KIRREL3: variants seen among roughly 807,000 people sequenced by gnomAD.
The protein encoded by KIRREL3 is kin of IRRE-like protein 3.
KIRREL3 carries 36 observed loss-of-function variants against 89.7 expected under a neutral mutation model. The ratio of observed to expected loss-of-function variants is 0.40; its 90% confidence interval spans 0.31 to 0.53. The LOEUF (loss-of-function observed/expected upper bound fraction) is 0.53. Among genes scored for constraint, KIRREL3 ranks in the 20% least tolerant of loss-of-function variants. The probability of loss-of-function intolerance (pLI) is 0.49; values close to 1 mark genes in which losing one functional copy is unlikely to be tolerated. For missense variants in KIRREL3, 864 were observed against 1,056.6 expected, an observed-to-expected ratio of 0.82 and a Z score of 2.53; for synonymous variants, 445 against 441.4, an observed-to-expected ratio of 1.01 and a Z score of -0.10.
Position 126,832,766 on chromosome 11 carries a change from A to G in KIRREL3, c.55+167689T>C, listed in dbSNP as rs534034452. 3.9e-5 allele frequency among the ~76,000 whole-genome samples: 6 copies of G among 152,266 alleles called. No individual in the cohort carries two copies. The South Asian group carries it at 6.2e-4, about 16-fold the overall frequency. Reference sequence around the variant, plus strand: ...GTGTGGCTCAGGAGGCAGCAACTGGAGAAATAGAAAACCTACTCCTTTTTG... The same window carrying G: ...GTGTGGCTCAGGAGGCAGCAACTGGGGAAATAGAAAACCTACTCCTTTTTG... On this transcript the variant is annotated intron_variant, in intron 1 of 16. Transcript: ENST00000525144.
Position 126,729,673 on chromosome 11 carries a change from TC to T in KIRREL3, c.56-166762del, listed in dbSNP as rs1038566070. Among the ~76,000 whole-genome samples, 2 of 150,234 alleles carry T rather than the reference TC, an allele frequency of 1.3e-5. No individual in the cohort carries two copies. The highest frequency in any genetic ancestry group is 6.6e-5 in the Admixed American group (1 of 15,176). On this transcript the variant is annotated intron_variant, in intron 1 of 16. Transcript: ENST00000525144. The surrounding 1 kb of genome is among the most constrained non-coding windows in gnomAD (Gnocchi z 4.5). ...CAGGTGGGTGTGAACCTGGGGACCC[TC>T]CGTAGATACTCATGGGGCCCCGGGC...
intron 1 of KIRREL3, among the ~76,000 whole-genome samples, chr11:126,828,517 G>T (rs1943493121): frequency 6.6e-6 from 1 of 152,190 alleles, no homozygotes; most frequent in Non-Finnish European, 1.5e-5. Flanking sequence ...TGTCTAATGT[G>T]ATTGGTAAAC....
rs1034364329 is a variant in KIRREL3, at chr11:126,631,330, G to A, written c.56-68418C>T. 9.8e-5 allele frequency among the ~76,000 whole-genome samples: 15 copies of A among 152,306 alleles called. No homozygotes were observed. In the East Asian group the frequency reaches 1.5e-3, roughly 16 times the overall value. Reference sequence around the variant, plus strand: ...CGGCTTGATGAGGGCCACACAGCTGGCAAATGTCGGAGCCAGAGTTTGAAG... The same window carrying A: ...CGGCTTGATGAGGGCCACACAGCTGACAAATGTCGGAGCCAGAGTTTGAAG... On this transcript the variant is annotated intron_variant, in intron 1 of 16. Transcript: ENST00000525144.
rs1337691317 is a variant in KIRREL3, at chr11:126,650,886, T to C, written c.56-87974A>G. The stretch of plus-strand genomic sequence containing the variant: ...GAAGAAAAAGAGGTTTAACTGGACT[T>C]ACAGTTCCACATGGCTGGGAAGATC... On this transcript the variant is annotated intron_variant, in intron 1 of 16. Coordinates refer to ENST00000525144, the MANE Select transcript of KIRREL3 (RefSeq NM_032531.4). Among the ~76,000 whole-genome samples, 4 of 152,214 alleles carry C rather than the reference T, an allele frequency of 2.6e-5. No individual in the cohort carries two copies. The East Asian group carries it at 7.7e-4, about 29-fold the overall frequency.
At chr11:126,956,469 C>A (rs572368742) in intron 1 of KIRREL3, among the ~76,000 whole-genome samples, 1 of 152,236 alleles carries the variant, frequency 6.6e-6, no homozygotes, top group Middle Eastern at 3.4e-3. Flanking sequence ...GGGGGAAACT[C>A]CAAATGAGGG....
rs377448040 is a variant in KIRREL3 at position 126,806,278 on chromosome 11, G to A, written c.55+194177C>T. On this transcript the variant is annotated intron_variant, in intron 1 of 16. Coordinates refer to ENST00000525144, the MANE Select transcript of KIRREL3 (RefSeq NM_032531.4). ...ACAACAATATGACTACTAATAGTGA[G>A]GCTAATAAAAAGGACATATTGCCTT... 1.2e-3 allele frequency among the ~76,000 whole-genome samples: 182 copies of A among 152,268 alleles called. 3 individuals are homozygous for A. The South Asian group carries it at 0.036, about 30-fold the overall frequency.
rs1958308838 is a variant in KIRREL3 at position 126,513,816 on chromosome 11, C to T, written c.433+7499G>A. On this transcript the variant is annotated intron_variant, in intron 4 of 16. Transcript: ENST00000525144. The surrounding 1 kb of genome is among the most constrained non-coding windows in gnomAD (Gnocchi z 5.9). Reference sequence around the variant, plus strand: ...CAAGACCTCCAGGGAGACCTTCTATCTCATCTGGCCCCCAACAGCAACTAC... The same window carrying T: ...CAAGACCTCCAGGGAGACCTTCTATTTCATCTGGCCCCCAACAGCAACTAC... Among the ~76,000 whole-genome samples the T allele has an allele frequency of 6.6e-6, 1 of 152,170 alleles. No individual in the cohort carries two copies. Among genetic ancestry groups the T allele is most frequent in the Non-Finnish European group, 1.5e-5 (1 of 68,030 alleles).
At chr11:126,864,496 C>T (rs1382872056) in intron 1 of KIRREL3, among the ~76,000 whole-genome samples, 2 of 152,170 alleles carry the variant, frequency 1.3e-5, no homozygotes, top group East Asian at 3.9e-4. Flanking sequence ...AATTCTTATT[C>T]CCTGGGAAGG....
Position 126,566,657 on chromosome 11 carries a change from G to A in KIRREL3, c.56-3745C>T, listed in dbSNP as rs968837322. The stretch of plus-strand genomic sequence containing the variant: ...GGATTTCCTCCTGGGAGAAATAAAA[G>A]GGGATGGCTTTTTAAATGGGATGGG... On this transcript the variant is annotated intron_variant, in intron 1 of 16. Coordinates refer to ENST00000525144, the MANE Select transcript of KIRREL3 (RefSeq NM_032531.4). This position sits in a 1 kb window ranked among gnomAD's most constrained non-coding sequence, Gnocchi z 4.9. 8.5e-5 allele frequency among the ~76,000 whole-genome samples: 13 copies of A among 152,202 alleles called. No homozygotes were observed. The highest frequency in any genetic ancestry group is 2.0e-4 in the Admixed American group (3 of 15,286).
intron 4 of KIRREL3, among the ~76,000 whole-genome samples, chr11:126,493,792 A>C (rs1228680435): frequency 6.6e-6 from 1 of 151,878 alleles, no homozygotes; most frequent in Non-Finnish European, 1.5e-5. Flanking sequence ...CTGGGCAAAC[A>C]CATGGTGACA....
chr11:126,702,127 G>A (rs1474064952), intron 1 of KIRREL3, among the ~76,000 whole-genome samples: 7 of 152,148 alleles, frequency 4.6e-5, no homozygotes, highest in African/African-American at 1.7e-4. Flanking sequence ...AGTCTGCTAA[G>A]GTTTCTGTCT....
intron 6 of KIRREL3, 118 bp from the exon 7 acceptor site, chr11:126,456,572 C>T (rs754167410): frequency 4.3e-5 from 29 of 676,710 alleles, no homozygotes; most frequent in Admixed American, 1.1e-4. Flanking sequence ...GAGCAGCCCC[C>T]GCCCTGGTGG....
chr11:126,786,749 T>C (rs1950499273), intron 1 of KIRREL3, among the ~76,000 whole-genome samples: 1 of 152,206 alleles, frequency 6.6e-6, no homozygotes, highest in South Asian at 2.1e-4. Context: ...ACCGGGCTCC[T>C]TGGGCTGAAA....
At chr11:126,460,484 T>TC (rs984233836) in intron 6 of KIRREL3, among the ~76,000 whole-genome samples, 62 of 152,216 alleles carry the variant, frequency 4.1e-4, no homozygotes, top group African/African-American at 1.5e-3. Context: ...GGCAGAGAGT[T>TC]CAAAGCAGGA....
At chr11:126,944,293 C>T (rs1325828405) in intron 1 of KIRREL3, 3 of 152,146 alleles carry the variant, frequency 2.0e-5, no homozygotes, top group Admixed American at 6.5e-5. Context: ...ATATTCCATA[C>T]GTGTGTGTTT....
intron 1 of KIRREL3, among the ~76,000 whole-genome samples, chr11:126,974,739 T>G (rs1166379525): frequency 6.6e-6 from 1 of 152,140 alleles, no homozygotes; most frequent in African/African-American, 2.4e-5. Flanking sequence ...AAGGTTTGGC[T>G]CTATCACCCA....
chr11:126,457,828 A>C (rs2134239157), intron 6 of KIRREL3, among the ~76,000 whole-genome samples: 1 of 152,264 alleles, frequency 6.6e-6, no homozygotes, highest in South Asian at 2.1e-4. Context: ...AACGAGGAAA[A>C]GAGATATGAA....
intron 1 of KIRREL3, among the ~76,000 whole-genome samples, chr11:126,942,761 C>A (rs186638888): frequency 6.6e-6 from 1 of 152,182 alleles, no homozygotes; most frequent in South Asian, 2.1e-4. Context: ...AGAGTAGATG[C>A]GCTCCCTTGA....
chr11:126,902,072 C>T (rs1592316681), intron 1 of KIRREL3, among the ~76,000 whole-genome samples: 1 of 152,210 alleles, frequency 6.6e-6, no homozygotes, highest in East Asian at 1.9e-4. Context: ...CACTCGGATT[C>T]TGCAAAGACT....
Sources: gnomAD v4.1 joint callset for allele counts (sites outside exome capture counted in the v4.1 genomes callset) on GRCh38, gnomAD v4.1.1 for gene constraint, Gnocchi (gnomAD v3.1) non-coding constraint, MANE v1.5 for transcripts, NCBI Gene and HGNC (gene_info 2026-07-23, HGNC 2026-07-21) for gene names.